KCNJ15: variants seen among roughly 807,000 people sequenced by gnomAD.
KCNJ15 encodes the protein ATP-sensitive inward rectifier potassium channel 15.
Under a neutral mutation model 23.0 loss-of-function variants are expected in KCNJ15, and 14 were observed. The observed-to-expected ratio is 0.61, with a 90% confidence interval of 0.40 to 0.95. The LOEUF (loss-of-function observed/expected upper bound fraction) is 0.95. KCNJ15 is among the 40% of genes least tolerant of loss of function. The pLI is 0.00. For synonymous variants in KCNJ15, 185 were observed against 183.2 expected (o/e 1.01, Z -0.08); for missense variants, 388 against 461.8 (o/e 0.84, Z 1.46).
At position 38,300,357 on chromosome 21, in the gene KCNJ15, A is replaced by G; in HGVS notation, c.1096A>G (p.Arg366Gly). 6.2e-7 allele frequency: 1 copy of G among 1,613,528 alleles called. No individual in the cohort carries two copies. Among genetic ancestry groups the G allele is most frequent in the Non-Finnish European group, 8.5e-7 (1 of 1,179,674 alleles). The stretch of plus-strand genomic sequence containing the variant: ...GGAGGATCAGAGGGAAAGAGAACTG[A>G]GGACACTTTTATTACAACAGAGCAA... ...RQEDQREREL[R>G]TLLLQQSNV Residue 366 changes from arginine to glycine, a missense_variant, in exon 3 of 3, where the codon AGG becomes GGG. Transcript: ENST00000398938.
rs143083451 is a variant in KCNJ15, at chr21:38,281,838, A to G, written c.-116-15088A>G. On this transcript the variant is annotated intron_variant, in intron 1 of 2. Coordinates refer to ENST00000398938, the MANE Select transcript of KCNJ15 (RefSeq NM_170736.3). Reference sequence around the variant, plus strand: ...AGCTCTGTTTTAAGTTCTTTTAGAAATCTCCAGACTGCTTTCCACAGTGGC... The same window carrying G: ...AGCTCTGTTTTAAGTTCTTTTAGAAGTCTCCAGACTGCTTTCCACAGTGGC... Among the ~76,000 whole-genome samples the G allele has an allele frequency of 2.6e-4, 40 of 152,300 alleles. 1 individual carries two copies. The East Asian group carries it at 7.7e-3, about 29-fold the overall frequency.
At chr21:38,289,053 C>G (rs897370838) in intron 1 of KCNJ15, among the ~76,000 whole-genome samples, 4 of 151,692 alleles carry the variant, frequency 2.6e-5, no homozygotes, top group Non-Finnish European at 5.9e-5. Context: ...ATAAATTAGC[C>G]GGGTATGGTG....
At chr21:38,283,037 C>T (rs1212062493) in intron 1 of KCNJ15, among the ~76,000 whole-genome samples, 1 of 152,154 alleles carries the variant, frequency 6.6e-6, no homozygotes, top group Non-Finnish European at 1.5e-5. Flanking sequence ...GCTTTATCAG[C>T]AGTATCTCTG....
At chr21:38,234,921 T>C (rs1205604346) in intron 1 of KCNJ15, among the ~76,000 whole-genome samples, 1 of 152,230 alleles carries the variant, frequency 6.6e-6, no homozygotes, top group Non-Finnish European at 1.5e-5. Flanking sequence ...GAGTAAGCCA[T>C]TCAGGTACAG....
In KCNJ15 at chr21:38,304,104, TTTA is replaced by T. The variant is rs762888581; in HGVS notation, c.*3726_*3728del. 21 of 152,064 alleles carry T rather than the reference TTTA, an allele frequency of 1.4e-4. No individual in the cohort carries two copies. Among genetic ancestry groups the T allele is most frequent in the Admixed American group, 9.2e-4 (14 of 15,282 alleles). 9.4% of individuals were successfully genotyped at this position (152,064 alleles called of 1,614,324 possible). On this transcript the variant is annotated 3_prime_UTR_variant, in exon 3 of 3. Transcript: ENST00000398938. ...AAATCAGCTTTTTATTTTTTTTAAT[TTTA>T]TTATTATTATACTTTAAGTTTTAGG...
intron 1 of KCNJ15, among the ~76,000 whole-genome samples, chr21:38,231,994 A>G (rs1568976753): frequency 6.6e-6 from 1 of 151,780 alleles, no homozygotes; most frequent in Non-Finnish European, 1.5e-5. Context: ...ATTGTTTTCT[A>G]TTTTTTCAAA....
chr21:38,259,619 G>C (rs1427837882), intron 1 of KCNJ15, among the ~76,000 whole-genome samples: 1 of 152,122 alleles, frequency 6.6e-6, no homozygotes, highest in African/African-American at 2.4e-5. Context: ...GCTTATTCAT[G>C]GGCAAATACA....
chr21:38,279,314 A>G (rs1983082307), intron 1 of KCNJ15, among the ~76,000 whole-genome samples: 1 of 152,168 alleles, frequency 6.6e-6, no homozygotes, highest in Admixed American at 6.5e-5. Context: ...TCTGGAACAC[A>G]AAAAGTCTAG....
intron 1 of KCNJ15, among the ~76,000 whole-genome samples, chr21:38,265,819 G>A (rs1330122938): frequency 6.6e-6 from 1 of 152,196 alleles, no homozygotes; most frequent in East Asian, 1.9e-4. Flanking sequence ...GACATGAGAG[G>A]CCCTGACAAA....
At chr21:38,290,835 GA>G (rs1465407504) in intron 1 of KCNJ15, among the ~76,000 whole-genome samples, 2 of 152,164 alleles carry the variant, frequency 1.3e-5, no homozygotes, top group East Asian at 3.9e-4. Context: ...AATGGACTAA[GA>G]TTCACAAAAG....
intron 1 of KCNJ15, among the ~76,000 whole-genome samples, chr21:38,282,916 T>A (rs539643006): frequency 6.6e-6 from 1 of 152,070 alleles, no homozygotes; most frequent in East Asian, 1.9e-4. Flanking sequence ...CTGGAGGAGA[T>A]GACATTTGAG....
At chr21:38,291,177 T>G (rs1280804376) in intron 1 of KCNJ15, among the ~76,000 whole-genome samples, 1 of 152,076 alleles carries the variant, frequency 6.6e-6, no homozygotes, top group Non-Finnish European at 1.5e-5. Flanking sequence ...CTTCCAAAAG[T>G]ATTTAACCAC....
chr21:38,243,701 C>T lies in KCNJ15; in HGVS notation c.-398-13345C>T, dbSNP rs989843351. ...CCTTCCAAAGTGCTGGGATTATAGG[C>T]GTGAGCCACCATGCCCAGCCTATAT... On this transcript the variant is annotated intron_variant, in intron 1 of 4. Coordinates refer to the KCNJ15 transcript ENST00000547341. Among the ~76,000 whole-genome samples, 29 of 152,310 alleles carry T rather than the reference C, an allele frequency of 1.9e-4. 1 individual carries two copies. Among genetic ancestry groups the T allele is most frequent in the African/African-American group, 6.3e-4 (26 of 41,564 alleles).
intron 1 of KCNJ15, among the ~76,000 whole-genome samples, chr21:38,292,435 G>C (rs1231990262): frequency 6.6e-6 from 1 of 152,024 alleles, no homozygotes; most frequent in Non-Finnish European, 1.5e-5. Context: ...TGGGCTTCTT[G>C]CTCCACAAAA....
rs1985687515 is a variant in KCNJ15 at position 38,300,517 on chromosome 21, A to G, written c.*128A>G. 1.4e-6 allele frequency: 1 copy of G among 734,924 alleles called. No individual in the cohort carries two copies. Among genetic ancestry groups the G allele is most frequent in the African/African-American group, 1.8e-5 (1 of 56,314 alleles). The allele number at this position is 734,924 out of a possible 1,614,324, so 45.5% of individuals were successfully genotyped here. On this transcript the variant is annotated 3_prime_UTR_variant, in exon 3 of 3. Coordinates refer to ENST00000398938, the MANE Select transcript of KCNJ15 (RefSeq NM_170736.3). ...CTCAAAAACTGCACGGACATACAAA[A>G]TCAATCTTTTCCTTTGATCTTGTGG...
At chr21:38,297,195 T>C (rs1178659532) in intron 2 of KCNJ15, among the ~76,000 whole-genome samples, 172 bp downstream of exon 2, 1 of 151,996 alleles carries the variant, frequency 6.6e-6, no homozygotes, top group Non-Finnish European at 1.5e-5. Flanking sequence ...CCACCAAGAC[T>C]TGATAGGAGG....
chr21:38,286,291 T>C (rs1983897708), intron 1 of KCNJ15, among the ~76,000 whole-genome samples: 1 of 152,144 alleles, frequency 6.6e-6, no homozygotes, highest in Non-Finnish European at 1.5e-5. Context: ...AAATCCACCT[T>C]CCTACTTCCG....
At chr21:38,276,322 G>A (rs1982692457) in intron 1 of KCNJ15, among the ~76,000 whole-genome samples, 1 of 152,004 alleles carries the variant, frequency 6.6e-6, no homozygotes, top group Admixed American at 6.6e-5. Flanking sequence ...GGGAATAATG[G>A]CAGCTCTTAG....
chr21:38,256,366 A>ATG (rs200587072), upstream of KCNJ15, among the ~76,000 whole-genome samples: 12 of 131,686 alleles, frequency 9.1e-5, no homozygotes, highest in African/African-American at 2.6e-4. Flanking sequence ...CAGCTTATAT[A>ATG]TATATATATA....
Sources: allele counts gnomAD v4.1 joint callset (sites outside exome capture counted in the v4.1 genomes callset), GRCh38; gene constraint gnomAD v4.1.1; transcripts MANE v1.5; gene names NCBI Gene and HGNC (gene_info 2026-07-23, HGNC 2026-07-21).